UBR3: variants seen among roughly 807,000 people sequenced by gnomAD.
The protein encoded by UBR3 is ubiquitin protein ligase E3 component n-recognin 3.
A neutral mutation model predicts 243.2 loss-of-function variants in UBR3; 85 were observed. The observed-to-expected ratio is 0.35, with a 90% CI of 0.29 to 0.42. UBR3 has a LOEUF of 0.42. UBR3 is among the 10% of genes least tolerant of loss of function. The pLI is 1.00. For missense variants in UBR3, 1,686 were observed against 2,300.8 expected (o/e 0.73, Z 5.47); for synonymous variants, 748 against 799.8 (o/e 0.94, Z 1.09).
intron 25 of UBR3, among the ~76,000 whole-genome samples, chr2:169,988,137 C>T (rs1367624657): frequency 1.3e-5 from 2 of 152,162 alleles, no homozygotes; most frequent in Non-Finnish European, 2.9e-5. Context: ...AGCTACTTTT[C>T]CTTTTTACTA....
chr2:169,951,700 T>TG (rs1488887305), intron 23 of UBR3, among the ~76,000 whole-genome samples: 1 of 151,210 alleles, frequency 6.6e-6, no homozygotes, highest in Non-Finnish European at 1.5e-5. Context: ...TAGATTAGAG[T>TG]GGGGTAAGAC....
At chr2:169,953,762 A>G (rs2087142333) in intron 23 of UBR3, among the ~76,000 whole-genome samples, 1 of 152,222 alleles carries the variant, frequency 6.6e-6, no homozygotes, top group South Asian at 2.1e-4. Context: ...GGACATATGT[A>G]TTCTAATTGT....
intron 30 of UBR3, among the ~76,000 whole-genome samples, chr2:170,025,784 C>A (rs549450547): frequency 8.0e-4 from 122 of 152,270 alleles, no homozygotes; most frequent in African/African-American, 2.7e-3. Flanking sequence ...TAGGAGATGA[C>A]TCCCGAGTTT....
intron 36 of UBR3, among the ~76,000 whole-genome samples, chr2:170,076,619 G>A (rs1479584981): frequency 1.3e-5 from 2 of 152,176 alleles, no homozygotes; most frequent in East Asian, 1.9e-4. Flanking sequence ...ATATGATACA[G>A]TAAGCAAGAT....
chr2:169,829,422 G>GTTT (rs35860819), intron 1 of UBR3, among the ~76,000 whole-genome samples: 27 of 133,758 alleles, frequency 2.0e-4, no homozygotes, highest in African/African-American at 2.5e-4. Flanking sequence ...TAACATTTGA[G>GTTT]TTTTTTTTTT....
At position 169,924,186 on chromosome 2, in the gene UBR3, G is replaced by A; in HGVS notation, c.2022+13G>A. 2 of 1,525,574 alleles carry A rather than the reference G, an allele frequency of 1.3e-6. No individual in the cohort carries two copies. The highest frequency in any genetic ancestry group is 2.2e-5 in the Admixed American group (1 of 44,522). The allele number at this position is 1,525,574 out of a possible 1,614,324, so 94.5% of individuals were successfully genotyped here. ...ACTCCAAATTCAAGTATGTATTCAG[G>A]CATTTAAAAAGTTTTGAAGTGGATT... On this transcript the variant is annotated intron_variant, in intron 13 of 38. Coordinates refer to ENST00000272793, the MANE Select transcript of UBR3 (RefSeq NM_172070.4).
intron 24 of UBR3, 93 bp downstream of exon 24, chr2:169,958,619 A>G: frequency 8.9e-7 from 1 of 1,124,332 alleles, no homozygotes; most frequent in Middle Eastern, 2.1e-4. Flanking sequence ...AAAACATTAC[A>G]CACTTTTGAT....
chr2:170,023,160 A>G (rs1269175685), intron 30 of UBR3, among the ~76,000 whole-genome samples: 1 of 150,922 alleles, frequency 6.6e-6, no homozygotes, highest in Non-Finnish European at 1.5e-5. Flanking sequence ...TTTTTAAGGG[A>G]CAGGGTCTTG....
At chr2:169,871,822 G>T (rs1304896930) in intron 1 of UBR3, among the ~76,000 whole-genome samples, 1 of 150,752 alleles carries the variant, frequency 6.6e-6, no homozygotes, top group Non-Finnish European at 1.5e-5. Flanking sequence ...TAAACTTCAA[G>T]GTTTTGTATC....
At chr2:170,031,351 T>C (rs982453806) in intron 31 of UBR3, among the ~76,000 whole-genome samples, 5 of 152,166 alleles carry the variant, frequency 3.3e-5, no homozygotes, top group African/African-American at 7.2e-5. Context: ...ACTTCATGTA[T>C]GATTTTTTTG....
chr2:169,870,965 TAAA>T (rs552094980), intron 1 of UBR3, among the ~76,000 whole-genome samples: 1 of 141,892 alleles, frequency 7.0e-6, no homozygotes. Flanking sequence ...AAACTGTCTT[TAAA>T]AAAAAAAAAA....
intron 1 of UBR3, among the ~76,000 whole-genome samples, chr2:169,859,058 AG>A (rs2082989940): frequency 2.2e-5 from 3 of 137,814 alleles, no homozygotes; most frequent in Non-Finnish European, 4.7e-5. Flanking sequence ...TCAGCTATTT[AG>A]TTGTCATGTG....
chr2:169,948,007 A>C (rs73015801), intron 22 of UBR3: 1 of 917,446 alleles, frequency 1.1e-6, no homozygotes, highest in Non-Finnish European at 1.3e-6. Flanking sequence ...AACCGCTTTG[A>C]AGTATTTGTG....
chr2:170,057,923 A>T lies in UBR3; in HGVS notation c.4785+2339A>T, dbSNP rs114902107. 1.3e-4 allele frequency among the ~76,000 whole-genome samples: 20 copies of T among 152,190 alleles called. No homozygotes were observed. The East Asian group carries it at 2.3e-3, about 18-fold the overall frequency. On this transcript the variant is annotated intron_variant, in intron 33 of 38. Transcript: ENST00000272793. ...AGCTTTTTCTATAATAGACATAAACATTTAGATACATAGCAGTTTGTAAAT... is the reference window on the plus strand; with the variant it reads ...AGCTTTTTCTATAATAGACATAAACTTTTAGATACATAGCAGTTTGTAAAT...
chr2:169,854,901 A>G (rs2082784567), intron 1 of UBR3, among the ~76,000 whole-genome samples: 1 of 152,182 alleles, frequency 6.6e-6, no homozygotes, highest in African/African-American at 2.4e-5. Flanking sequence ...TTAAAATACT[A>G]TATATAATAA....
At chr2:170,048,671 A>G (rs916084085) in intron 32 of UBR3, among the ~76,000 whole-genome samples, 1 of 152,162 alleles carries the variant, frequency 6.6e-6, no homozygotes, top group Non-Finnish European at 1.5e-5. Flanking sequence ...GTGTTTCTTA[A>G]GTTGACACTG....
chr2:169,991,012 A>G (rs1239978936), intron 25 of UBR3, among the ~76,000 whole-genome samples: 2 of 152,202 alleles, frequency 1.3e-5, no homozygotes, highest in East Asian at 3.8e-4. Flanking sequence ...TGAAAGTGAA[A>G]GGATGGGAAA....
intron 25 of UBR3, among the ~76,000 whole-genome samples, chr2:169,987,883 A>G (rs1382934211): frequency 1.4e-5 from 2 of 143,680 alleles, no homozygotes; most frequent in Non-Finnish European, 3.0e-5. Flanking sequence ...GTGGCCAAAT[A>G]TGTTTTTTTC....
At chr2:169,966,317 C>T (rs2087807100) in intron 24 of UBR3, among the ~76,000 whole-genome samples, 1 of 152,092 alleles carries the variant, frequency 6.6e-6, no homozygotes, top group Non-Finnish European at 1.5e-5. Context: ...AGTTCAGGTA[C>T]TTAATAAAGA....
Sources: gnomAD v4.1 joint callset for allele counts (sites outside exome capture counted in the v4.1 genomes callset) on GRCh38, gnomAD v4.1.1 for gene constraint, MANE v1.5 for transcripts, NCBI Gene and HGNC (gene_info 2026-07-23, HGNC 2026-07-21) for gene names.